Variants in MGAM2 observed in about 807,000 individuals in gnomAD.
The protein encoded by MGAM2 is probable maltase-glucoamylase 2.
A neutral mutation model predicts 96.1 loss-of-function variants in MGAM2; 98 were observed. That is an observed-to-expected ratio of 1.02 (90% confidence interval 0.87 to 1.21). The LOEUF (loss-of-function observed/expected upper bound fraction) is 1.21, where lower values mean the gene tolerates loss of function less well. MGAM2 is among the 50% of genes most tolerant of loss of function. The pLI is 0.00. For missense variants in MGAM2, 2,055 were observed against 1,182.4 expected, an observed-to-expected ratio of 1.74 and a Z score of -10.82; for synonymous variants, 749 against 414.8, an observed-to-expected ratio of 1.81 and a Z score of -9.79.
intron 46 of MGAM2, among the ~76,000 whole-genome samples, chr7:142,212,990 G>T (rs949598318): frequency 6.6e-6 from 1 of 152,198 alleles, no homozygotes; most frequent in East Asian, 1.9e-4. Context: ...GAGTCTCTCA[G>T]ACCGCAGTGC....
rs1434520983 is a variant in MGAM2, at chr7:142,196,683, A to C, written c.4516-17A>C. 2 of 776,818 alleles carry C rather than the reference A, an allele frequency of 2.6e-6. No individual in the cohort carries two copies. Among genetic ancestry groups the C allele is most frequent in the Non-Finnish European group, 4.8e-6 (2 of 417,180 alleles). 48.1% of individuals were successfully genotyped at this position (776,818 alleles called of 1,614,324 possible). A position where few individuals can be genotyped will look rare whatever the true frequency, so the allele number is the denominator to read the frequency against. On this transcript the variant is annotated splice_polypyrimidine_tract_variant and intron_variant, in intron 39 of 47. Transcript: ENST00000477922. ...CATGAAATTCCCACCTCATGCTCTC[A>C]TTATGCATCTTCTCAGACAGGAGCA... is the stretch of plus-strand genomic sequence containing the variant.
rs1457603287 is a variant in MGAM2, at chr7:142,131,514, C to T, written c.311-4C>T. 2 of 702,772 alleles carry T rather than the reference C, an allele frequency of 2.8e-6. No individual in the cohort carries two copies. Among genetic ancestry groups the T allele is most frequent in the Non-Finnish European group, 5.2e-6 (2 of 384,866 alleles). The allele number at this position is 702,772 out of a possible 1,614,324, so 43.5% of individuals were successfully genotyped here. ...TCTCTCTCTCCATATCTTGCCACCC[C>T]TAGGATTTACTGCCCAGTTGAAAAG... On this transcript the variant is annotated splice_region_variant and splice_polypyrimidine_tract_variant and intron_variant, in intron 4 of 47. Transcript: ENST00000477922.
chr7:142,183,114 G>A lies in MGAM2; in HGVS notation c.3817-152G>A, dbSNP rs115791034. On this transcript the variant is annotated intron_variant, in intron 32 of 47. Coordinates refer to ENST00000477922, the MANE Select transcript of MGAM2 (RefSeq NM_001293626.2). ...GGTAATATATGCAGTAAGACATAAG[G>A]CAAATTATCAATGATTTTTATTTTA... Among the ~76,000 whole-genome samples the A allele has an allele frequency of 2.4e-3, 371 of 151,872 alleles. 2 individuals are homozygous for A. Among genetic ancestry groups the A allele is most frequent in the African/African-American group, 8.7e-3 (361 of 41,374 alleles).
At chr7:142,171,552 T>C (rs900627564) in intron 28 of MGAM2, 112 bp downstream of exon 28, 3 of 553,392 alleles carry the variant, frequency 5.4e-6, no homozygotes, top group Non-Finnish European at 9.8e-6. Flanking sequence ...TATTGATAAA[T>C]TCCGCTCTCA....
At chr7:142,169,698 C>T (rs1467823895) in intron 26 of MGAM2, among the ~76,000 whole-genome samples, 1 of 152,102 alleles carries the variant, frequency 6.6e-6, no homozygotes, top group Non-Finnish European at 1.5e-5. Context: ...ACTCAATTCC[C>T]TAATTCCTAA....
intron 47 of MGAM2, 108 bp downstream of exon 47, chr7:142,218,639 G>A (rs932183155): frequency 6.8e-6 from 4 of 588,482 alleles, no homozygotes; most frequent in Non-Finnish European, 1.2e-5. Context: ...AAATTTTCAT[G>A]TATTAGATGG....
rs551029167 is a variant in MGAM2, at chr7:142,171,337, C to A, written c.3248C>A (p.Pro1083Gln). The A allele has an allele frequency of 1.4e-5, 10 of 702,834 alleles. No individual in the cohort carries two copies. Among genetic ancestry groups the A allele is most frequent in the African/African-American group, 7.0e-5 (4 of 57,138 alleles). 43.5% of individuals were successfully genotyped at this position (702,834 alleles called of 1,614,324 possible). Residue 1083 changes from proline (P) to glutamine (Q), a missense_variant, in exon 28 of 48, where the codon CCG becomes CAG. By Grantham distance (76) the Pro-to-Gln change is moderately conservative. Coordinates refer to ENST00000477922, the MANE Select transcript of MGAM2 (RefSeq NM_001293626.2). ...TTTCTCTCCATTTCTACGCGTCTGCCGTCCCAGTACATCTATGGCTTTGGG... is the reference window on the plus strand; with the variant it reads ...TTTCTCTCCATTTCTACGCGTCTGCAGTCCCAGTACATCTATGGCTTTGGG... ...DMFLSISTRL[P>Q]SQYIYGFGET...
In MGAM2 at chr7:142,222,176, A is replaced by G. The variant is rs549975080; in HGVS notation, c.*117A>G. On this transcript the variant is annotated 3_prime_UTR_variant, in exon 48 of 48. Coordinates refer to ENST00000477922, the MANE Select transcript of MGAM2 (RefSeq NM_001293626.2). ...TTATGCTACTTAAGTTTTCACGGATATTAGTACTCTAGCCATAAAAGACAC... is the reference window on the plus strand; with the variant it reads ...TTATGCTACTTAAGTTTTCACGGATGTTAGTACTCTAGCCATAAAAGACAC... 7.4e-4 allele frequency: 295 copies of G among 396,032 alleles called. No individual in the cohort carries two copies. The highest frequency in any genetic ancestry group is 3.8e-3 in the Middle Eastern group (6 of 1,570). The allele number at this position is 396,032 out of a possible 1,614,324, so 24.5% of individuals were successfully genotyped here.
At chr7:142,156,555 G>A (rs1585170894) in intron 17 of MGAM2, among the ~76,000 whole-genome samples, 1 of 152,214 alleles carries the variant, frequency 6.6e-6, no homozygotes. Flanking sequence ...CATAGTTCAA[G>A]TGTTCAATAG....
chr7:142,213,906 A>G (rs1236336650), intron 46 of MGAM2, among the ~76,000 whole-genome samples: 1 of 152,212 alleles, frequency 6.6e-6, no homozygotes, highest in South Asian at 2.1e-4. Context: ...CATCAATGCA[A>G]AAGTCCTCCA....
At position 142,181,840 on chromosome 7, in the gene MGAM2, C is replaced by T. The variant is rs148430479; in HGVS notation, c.3817-1426C>T. ...ATATGGTGCCATGATCCAGTATTTT[C>T]TGCACAGCAAATGGCTTTGGGGCCC... On this transcript the variant is annotated intron_variant, in intron 32 of 47. Coordinates refer to ENST00000477922, the MANE Select transcript of MGAM2 (RefSeq NM_001293626.2). Among the ~76,000 whole-genome samples the T allele has an allele frequency of 5.0e-3, 758 of 152,294 alleles. 9 individuals are homozygous for T. The highest frequency in any genetic ancestry group is 0.017 in the African/African-American group (720 of 41,552).
Position 142,141,039 on chromosome 7 carries a change from A to C in MGAM2, c.1237A>C (p.Asn413His), listed in dbSNP as rs1454401559. The change falls in exon 12 of 48, where the codon AAC becomes CAC. Residue 413 changes from asparagine to histidine, a missense_variant. By Grantham distance (68) the Asn-to-His change is moderately conservative. Coordinates refer to ENST00000477922, the MANE Select transcript of MGAM2 (RefSeq NM_001293626.2). Reference protein sequence around the residue: ...LIIMNPGISKNSNYEPYNNGS... With the variant: ...LIIMNPGISKHSNYEPYNNGS... ...TTATTAGAATCCTGGCATCTCCAAA[A>C]ACTCTAACTACGAGCCCTATAATAA... The C allele has an allele frequency of 1.4e-6, 1 of 698,922 alleles. No individual in the cohort carries two copies. Among genetic ancestry groups the C allele is most frequent in the Non-Finnish European group, 2.6e-6 (1 of 383,934 alleles). The allele number at this position is 698,922 out of a possible 1,614,324, so 43.3% of individuals were successfully genotyped here.
At chr7:142,153,024 C>T (rs1485147396) in intron 15 of MGAM2, among the ~76,000 whole-genome samples, 3 of 138,308 alleles carry the variant, frequency 2.2e-5, no homozygotes, top group East Asian at 2.1e-4. Context: ...GAGACAGAGC[C>T]TTGCTCTGTC....
intron 3 of MGAM2, among the ~76,000 whole-genome samples, chr7:142,122,040 A>G (rs1273671466): frequency 6.6e-6 from 1 of 152,052 alleles, no homozygotes; most frequent in African/African-American, 2.4e-5. Flanking sequence ...TTATATTCTT[A>G]TTTTAACTTT....
At chr7:142,139,490 C>A (rs1277018242) in intron 10 of MGAM2, among the ~76,000 whole-genome samples, 1 of 151,722 alleles carries the variant, frequency 6.6e-6, no homozygotes, top group Admixed American at 6.6e-5. Flanking sequence ...GAAACCCCGT[C>A]TCTATTAAAA....
chr7:142,209,043 A>T (rs1202033965), intron 46 of MGAM2, among the ~76,000 whole-genome samples: 1 of 152,134 alleles, frequency 6.6e-6, no homozygotes, highest in African/African-American at 2.4e-5. Context: ...GGCTCAGAGG[A>T]TGTGGGTCTG....
rs74903872 is a variant in MGAM2, at chr7:142,182,726, C to T, written c.3817-540C>T. 5.2e-3 allele frequency among the ~76,000 whole-genome samples: 795 copies of T among 152,316 alleles called. 8 individuals are homozygous for T. The highest frequency in any genetic ancestry group is 0.018 in the African/African-American group (760 of 41,564). ...CCTGTTCAGTGCCAGGAGCTGGTCC[C>T]GGCACTCAGCAACTCTATGTGGGAT... On this transcript the variant is annotated intron_variant, in intron 32 of 47. Coordinates refer to ENST00000477922, the MANE Select transcript of MGAM2 (RefSeq NM_001293626.2).
At chr7:142,165,407 C>T (rs2129087993) in intron 24 of MGAM2, among the ~76,000 whole-genome samples, 1 of 152,266 alleles carries the variant, frequency 6.6e-6, no homozygotes, top group South Asian at 2.1e-4. Context: ...CCGTTTTAGG[C>T]TATTTTCATA....
intron 2 of MGAM2, 79 bp from the exon 3 acceptor site, chr7:142,120,223 T>G (rs895574570): frequency 1.3e-4 from 90 of 684,242 alleles, no homozygotes; most frequent in Non-Finnish European, 2.3e-4. Context: ...TGGCCAAAAG[T>G]CTGTAACTTT....
Sources: gnomAD v4.1 joint callset for allele counts (sites outside exome capture counted in the v4.1 genomes callset) on GRCh38, gnomAD v4.1.1 for gene constraint, MANE v1.5 for transcripts, NCBI Gene and HGNC (gene_info 2026-07-23, HGNC 2026-07-21) for gene names.